AGL: variants seen among roughly 807,000 people sequenced by gnomAD.
AGL encodes the protein glycogen debranching enzyme.
In AGL, 128 loss-of-function variants were observed where a neutral mutation model predicts 199.3. That is an observed-to-expected ratio of 0.64 (90% CI 0.56 to 0.74). AGL has a LOEUF of 0.74. AGL is among the 30% of genes least tolerant of loss of function. The probability of loss-of-function intolerance (pLI) is 0.00; values close to 1 mark genes in which losing one functional copy is unlikely to be tolerated. For synonymous variants in AGL, 584 were observed against 594.7 expected, an observed-to-expected ratio of 0.98 and a Z score of 0.26; for missense variants, 1,809 against 1,820.8, an observed-to-expected ratio of 0.99 and a Z score of 0.12.
chr1:99,911,559 C>G (rs1472483616), intron 28 of AGL, among the ~76,000 whole-genome samples: 2 of 152,192 alleles, frequency 1.3e-5, no homozygotes, highest in East Asian at 3.8e-4. Flanking sequence ...TCTCCTGTCT[C>G]AGCCTCCCAA....
intron 13 of AGL, 146 bp downstream of exon 13, chr1:99,880,192 T>C (rs1416205724): frequency 7.9e-7 from 1 of 1,272,540 alleles, no homozygotes; most frequent in Non-Finnish European, 1.1e-6. Flanking sequence ...TATTCTAATA[T>C]AACTCAGTCT....
intron 2 of AGL, among the ~76,000 whole-genome samples, chr1:99,859,994 T>C (rs1276153483): frequency 1.3e-5 from 2 of 152,214 alleles, no homozygotes; most frequent in Admixed American, 6.5e-5. Context: ...AATATCCTTA[T>C]ACATAATCTC....
intron 27 of AGL, among the ~76,000 whole-genome samples, chr1:99,910,422 G>A (rs1338369611): frequency 2.0e-5 from 3 of 152,104 alleles, no homozygotes; most frequent in African/African-American, 7.2e-5. Flanking sequence ...TATTTTTTGT[G>A]AATGCAAGCA....
Position 99,870,492 on chromosome 1 carries a change from G to T in AGL, c.757G>T (p.Ala253Ser), listed in dbSNP as rs745379427. 1.9e-6 allele frequency: 3 copies of T among 1,614,048 alleles called. No individual in the cohort carries two copies. The highest frequency in any genetic ancestry group is 2.5e-6 in the Non-Finnish European group (3 of 1,179,970). The change falls in exon 6 of 34, where the codon GCA (alanine) becomes TCA (serine). Residue 253 changes from alanine (A) to serine (S), a missense_variant. Ala to Ser is a moderately conservative substitution (Grantham distance 99). Transcript: ENST00000361915. Reference protein sequence around the residue: ...HLKPAWVLDRALWRFSCDVAE... With the variant: ...HLKPAWVLDRSLWRFSCDVAE... The stretch of plus-strand genomic sequence containing the variant: ...AAAACCTGCCTGGGTCTTAGACAGA[G>T]CACTTTGGCGTTTCTCCTGTGATGT...
In AGL at chr1:99,874,693, G is replaced by A. The variant is rs1651350867; in HGVS notation, c.965G>A (p.Arg322Lys). 1.2e-6 allele frequency: 2 copies of A among 1,610,984 alleles called. No individual in the cohort carries two copies. The highest frequency in any genetic ancestry group is 1.7e-6 in the Non-Finnish European group (2 of 1,177,500). The change falls in exon 8 of 34, where the codon AGG (arginine) becomes AAG (lysine). Residue 322 changes from arginine to lysine, a missense_variant. Coordinates refer to ENST00000361915, the MANE Select transcript of AGL (RefSeq NM_000642.3). Reference sequence around the variant, plus strand: ...CGTCTTTTCTTTCTTTTAGAAAATAGGCGAGTAACCAAGTCTGATCCAAAC... The same window carrying A: ...CGTCTTTTCTTTCTTTTAGAAAATAAGCGAGTAACCAAGTCTGATCCAAAC... ...QFRRLLTQEN[R>K]RVTKSDPNQH...
rs774926455 is a variant in AGL at position 99,892,527 on chromosome 1, C to G, written c.3179C>G (p.Ser1060Ter). 3.7e-6 allele frequency: 6 copies of G among 1,613,614 alleles called. No individual in the cohort carries two copies. The highest frequency in any genetic ancestry group is 5.1e-6 in the Non-Finnish European group (6 of 1,179,670). ...AAATTCCCTTCCCTGCCAATTCTTT[C>G]ACCTGCCCTAATGGATGTACCTTAT... ...VGKFPSLPIL[S>*]PALMDVPYRL... Residue 1060 changes from serine to a stop codon, truncating the protein, a stop_gained, in exon 24 of 34, where the codon TCA becomes TGA. Transcript: ENST00000361915. LOFTEE classifies it high-confidence loss of function.
Position 99,884,119 on chromosome 1 carries a change from G to A in AGL, c.2309-1G>A, listed in dbSNP as rs786204481. 29 of 1,610,292 alleles carry A rather than the reference G, an allele frequency of 1.8e-5. No individual in the cohort carries two copies. Among genetic ancestry groups the A allele is most frequent in the Non-Finnish European group, 2.4e-5 (28 of 1,177,386 alleles). On this transcript the variant is annotated splice_acceptor_variant, in intron 17 of 33. Transcript: ENST00000361915. LOFTEE classifies it high-confidence loss of function. Reference sequence around the variant, plus strand: ...GTTAAAATGTTTTTATGTATTCCTAGGCAAAATTGAAGAAGTAGTTCTTGA... The same window carrying A: ...GTTAAAATGTTTTTATGTATTCCTAAGCAAAATTGAAGAAGTAGTTCTTGA...
chr1:99,879,509 G>A (rs1390344665), intron 12 of AGL, among the ~76,000 whole-genome samples: 4 of 152,068 alleles, frequency 2.6e-5, no homozygotes, highest in Non-Finnish European at 5.9e-5. Flanking sequence ...TCTTGAACCT[G>A]GGAGGCGGAG....
Position 99,880,589 on chromosome 1 carries a change from A to G in AGL, c.1736-43A>G, listed in dbSNP as rs748168806. 12 of 1,596,152 alleles carry G rather than the reference A, an allele frequency of 7.5e-6. No individual in the cohort carries two copies. The East Asian group carries it at 2.2e-4, about 30-fold the overall frequency. On this transcript the variant is annotated intron_variant, in intron 13 of 33. Transcript: ENST00000361915. ...GAAGAAATCTAACCTCTTCCTGGAC[A>G]TAAATAATGAAGATTGTTAAAATAT...
At position 99,923,441 on chromosome 1, in the gene AGL, A is replaced by T. The variant is rs1238695656; in HGVS notation, c.*1790A>T. On this transcript the variant is annotated 3_prime_UTR_variant, in exon 34 of 34. Coordinates refer to ENST00000361915, the MANE Select transcript of AGL (RefSeq NM_000642.3). The stretch of plus-strand genomic sequence containing the variant: ...CGCTGACAGTTAAATGTGACCAAAA[A>T]AATTAAAAGTTCACAATTTTTTTAA... 1 of 152,178 alleles carries T rather than the reference A, an allele frequency of 6.6e-6. No individual in the cohort carries two copies. Among genetic ancestry groups the T allele is most frequent in the African/African-American group, 2.4e-5 (1 of 41,448 alleles). 9.4% of individuals were successfully genotyped at this position (152,178 alleles called of 1,614,324 possible).
At chr1:99,908,094 T>C (rs557595146) in intron 27 of AGL, among the ~76,000 whole-genome samples, 1 of 152,312 alleles carries the variant, frequency 6.6e-6, no homozygotes, top group South Asian at 2.1e-4. Flanking sequence ...TCAAATTCAA[T>C]GTCATGAAGC....
chr1:99,885,367 T>C (rs1652377282), intron 20 of AGL, among the ~76,000 whole-genome samples: 1 of 152,182 alleles, frequency 6.6e-6, no homozygotes, highest in African/African-American at 2.4e-5. Context: ...AAACACTTAA[T>C]ACAATGCCTG....
intron 2 of AGL, chr1:99,852,694 T>A: frequency 1.3e-6 from 1 of 780,588 alleles, no homozygotes; most frequent in Non-Finnish European, 2.4e-6. Context: ...GAGCATTAAT[T>A]TATTTATTGG....
intron 17 of AGL, 91 bp downstream of exon 17, chr1:99,881,782 C>T: frequency 8.7e-7 from 1 of 1,150,314 alleles, no homozygotes; most frequent in Non-Finnish European, 1.2e-6. Flanking sequence ...ATGTATATAT[C>T]ATATATATTA....
chr1:99,912,116 A>G (rs545411401), intron 28 of AGL, among the ~76,000 whole-genome samples: 1 of 152,130 alleles, frequency 6.6e-6, no homozygotes, highest in East Asian at 1.9e-4. Flanking sequence ...CCTTATCCCA[A>G]TATTCAGATT....
At chr1:99,877,925 T>G in intron 12 of AGL, 97 bp downstream of exon 12, 2 of 1,179,486 alleles carry the variant, frequency 1.7e-6, no homozygotes, top group South Asian at 2.5e-5. Flanking sequence ...TTCCTTTTGC[T>G]AGTTGGACAC....
At chr1:99,889,379 T>G (rs1652709483) in intron 21 of AGL, among the ~76,000 whole-genome samples, 1 of 152,184 alleles carries the variant, frequency 6.6e-6, no homozygotes, top group African/African-American at 2.4e-5. Flanking sequence ...TAAAATATTC[T>G]CATTTTTAAT....
At chr1:99,878,814 C>T (rs1651780304) in intron 12 of AGL, among the ~76,000 whole-genome samples, 1 of 152,128 alleles carries the variant, frequency 6.6e-6, no homozygotes, top group African/African-American at 2.4e-5. Flanking sequence ...GCTGGTAGAA[C>T]ATTGTTTAGT....
chr1:99,859,184 T>C (rs1312426697), intron 2 of AGL, among the ~76,000 whole-genome samples: 2 of 152,212 alleles, frequency 1.3e-5, no homozygotes, highest in Non-Finnish European at 2.9e-5. Flanking sequence ...ATTTAGTCAT[T>C]CTTGTGAGAT....
Sources: allele counts gnomAD v4.1 joint callset (sites outside exome capture counted in the v4.1 genomes callset), GRCh38; gene constraint gnomAD v4.1.1; transcripts MANE v1.5; gene names NCBI Gene and HGNC (gene_info 2026-07-23, HGNC 2026-07-21).